The following RRM2 variants were observed in gnomAD, a reference collection of about 807,000 sequenced individuals.
RRM2 encodes ribonucleotide reductase regulatory subunit M2.
Under a neutral mutation model 45.9 loss-of-function variants are expected in RRM2, and 6 were observed. The ratio of observed to expected loss-of-function variants is 0.13; its 90% CI spans 0.07 to 0.26. RRM2 has a LOEUF of 0.26. Ranked by LOEUF, RRM2 falls within the 10% of genes least tolerant of loss-of-function variation. The pLI, the probability that RRM2 is intolerant of heterozygous loss-of-function variation, is 1.00. For synonymous variants in RRM2, 177 were observed against 173.0 expected, an observed-to-expected ratio of 1.02 and a Z score of -0.18; for missense variants, 343 against 489.5, an observed-to-expected ratio of 0.70 and a Z score of 2.82.
intron 3 of RRM2, among the ~76,000 whole-genome samples, chr2:10,207,584 A>G (rs1018766824): frequency 2.0e-5 from 3 of 152,082 alleles, no homozygotes; most frequent in South Asian, 4.1e-4. Flanking sequence ...CATGGGTGCC[A>G]TCATTTTGCC....
intron 3 of RRM2, among the ~76,000 whole-genome samples, chr2:10,144,924 T>C (rs1403216267): frequency 1.3e-5 from 2 of 151,998 alleles, no homozygotes; most frequent in African/African-American, 4.8e-5. Context: ...GGGGTGACCG[T>C]GTTATGCAAA....
Position 10,129,677 on chromosome 2 carries a change from A to AC in RRM2, c.*292dup. The AC allele has an allele frequency of 2.9e-6, 1 of 340,684 alleles. No homozygotes were observed. The highest frequency in any genetic ancestry group is 4.4e-5 in the Admixed American group (1 of 22,582). 21.1% of individuals were successfully genotyped at this position (340,684 alleles called of 1,614,324 possible). A position where few individuals can be genotyped will look rare whatever the true frequency, so the allele number is the denominator to read the frequency against. Reference sequence around the variant, plus strand: ...AGTGAGCTTAGCACAGCGGGATTAAACAGTCCTTTAACCAGCACAGCCAGT... The same window carrying AC: ...AGTGAGCTTAGCACAGCGGGATTAAACCAGTCCTTTAACCAGCACAGCCAGT... On this transcript the variant is annotated 3_prime_UTR_variant, in exon 10 of 10. Coordinates refer to ENST00000304567, the MANE Select transcript of RRM2 (RefSeq NM_001034.4). The surrounding 1 kb of genome is among the most constrained non-coding windows in gnomAD (Gnocchi z 4.8).
upstream of RRM2, among the ~76,000 whole-genome samples, chr2:10,140,542 C>T (rs1327785510): frequency 6.6e-6 from 1 of 152,168 alleles, no homozygotes; most frequent in East Asian, 1.9e-4. Flanking sequence ...GGTGGCTGAG[C>T]CAGCAGGGTG....
chr2:10,207,245 C>G (rs1664680757), intron 3 of RRM2, among the ~76,000 whole-genome samples: 3 of 152,136 alleles, frequency 2.0e-5, no homozygotes, highest in Non-Finnish European at 4.4e-5. Flanking sequence ...ATCTTTGCCT[C>G]CTAATCTCTT....
rs576421692 is a variant in RRM2, at chr2:10,122,761, T to A, written c.-38T>A. On this transcript the variant is annotated 5_prime_UTR_variant, in exon 1 of 10. Transcript: ENST00000304567. ...CCCGTGCACCCTGTCCCAGCCGTCCTGTCCTGGCTGCTCGCTCTGCTTCGC... is the reference window on the plus strand; with the variant it reads ...CCCGTGCACCCTGTCCCAGCCGTCCAGTCCTGGCTGCTCGCTCTGCTTCGC... 27 of 1,561,530 alleles carry A rather than the reference T, an allele frequency of 1.7e-5. No individual in the cohort carries two copies. The South Asian group carries it at 2.6e-4, about 15-fold the overall frequency.
At chr2:10,165,151 A>G (rs1663652230) in intron 3 of RRM2, among the ~76,000 whole-genome samples, 1 of 152,116 alleles carries the variant, frequency 6.6e-6, no homozygotes, top group Non-Finnish European at 1.5e-5. Context: ...TGGTTTCACC[A>G]TGTTGCCCAG....
In RRM2 at chr2:10,123,355, G is replaced by A. The variant is rs750664283; in HGVS notation, c.175-32G>A. 2.9e-5 allele frequency: 46 copies of A among 1,584,766 alleles called. No individual in the cohort carries two copies. The South Asian group carries it at 4.3e-4, about 15-fold the overall frequency. On this transcript the variant is annotated intron_variant, in intron 2 of 9. Coordinates refer to ENST00000304567, the MANE Select transcript of RRM2 (RefSeq NM_001034.4). The stretch of plus-strand genomic sequence containing the variant: ...ACGTTAGTTTCATATGGTTCGCCCG[G>A]TACTTAAATGTTTTATTTTCTCCCC...
intron 3 of RRM2, among the ~76,000 whole-genome samples, chr2:10,167,148 C>T (rs2125321000): frequency 6.6e-6 from 1 of 152,348 alleles, no homozygotes; most frequent in African/African-American, 2.4e-5. Flanking sequence ...CTCTCCCACC[C>T]CTGCGTGGCA....
chr2:10,126,806 T>C, intron 5 of RRM2, 69 bp from the exon 6 acceptor site: 1 of 1,187,562 alleles, frequency 8.4e-7, no homozygotes. Context: ...AGAGCTCTTA[T>C]CTAGCAGTTG....
intron 3 of RRM2, among the ~76,000 whole-genome samples, chr2:10,149,376 G>A (rs772651077): frequency 6.6e-6 from 1 of 152,128 alleles, no homozygotes; most frequent in Non-Finnish European, 1.5e-5. Context: ...TGATCTGCCC[G>A]CCTCAGCCTC....
Position 10,183,751 on chromosome 2 carries a change from C to T in RRM2, n.483-26560C>T, listed in dbSNP as rs1474880372. ...TGGAGGCTGCAGTGAGCTGAGATTG[C>T]GCCACCGCACTCCAGCCTGGGTGAC... On this transcript the variant is annotated intron_variant and non_coding_transcript_variant, in intron 3 of 3. Transcript: ENST00000381786. 4.6e-5 allele frequency among the ~76,000 whole-genome samples: 7 copies of T among 150,916 alleles called. 1 individual carries two copies. In the South Asian group the frequency reaches 1.3e-3, roughly 27 times the overall value.
At chr2:10,165,229 G>T (rs1293687731) in intron 3 of RRM2, among the ~76,000 whole-genome samples, 1 of 152,228 alleles carries the variant, frequency 6.6e-6, no homozygotes, top group Non-Finnish European at 1.5e-5. Context: ...GGGATTCCAG[G>T]CATGAGCCAC....
At chr2:10,201,374 A>G (rs1664567605) in intron 3 of RRM2, among the ~76,000 whole-genome samples, 3 of 152,222 alleles carry the variant, frequency 2.0e-5, no homozygotes, top group Non-Finnish European at 4.4e-5. Context: ...TCTGAAAAGC[A>G]AACAAAGGAC....
chr2:10,133,521 T>C (rs1048034956), downstream of RRM2, among the ~76,000 whole-genome samples: 1 of 152,112 alleles, frequency 6.6e-6, no homozygotes, highest in Non-Finnish European at 1.5e-5. Context: ...TAACTCCTCT[T>C]AGCAAGACAG....
intron 3 of RRM2, among the ~76,000 whole-genome samples, chr2:10,144,906 G>C (rs908222530): frequency 6.6e-6 from 1 of 152,204 alleles, no homozygotes; most frequent in African/African-American, 2.4e-5. Context: ...TGACCCCACT[G>C]GCTGGTGGGG....
At chr2:10,132,548 A>G (rs1662921544), downstream of RRM2, among the ~76,000 whole-genome samples, 7 of 152,072 alleles carry the variant, frequency 4.6e-5, no homozygotes, top group South Asian at 1.4e-3. Flanking sequence ...ACAGATTTTT[A>G]TCTGTCTTTA....
chr2:10,176,888 G>A (rs1400857472), intron 3 of RRM2, among the ~76,000 whole-genome samples: 1 of 152,154 alleles, frequency 6.6e-6, no homozygotes, highest in Non-Finnish European at 1.5e-5. Flanking sequence ...GAATTGCTGG[G>A]TCATAGGGTA....
chr2:10,191,577 G>T (rs1198546584), intron 3 of RRM2, among the ~76,000 whole-genome samples: 1 of 152,110 alleles, frequency 6.6e-6, no homozygotes, highest in Non-Finnish European at 1.5e-5. Context: ...CCCACAAAGG[G>T]AAGTCTCTGA....
rs1294212828 is a variant in RRM2, at chr2:10,181,775, TTTTTTTA to T, written n.483-28535_483-28529del. On this transcript the variant is annotated intron_variant and non_coding_transcript_variant, in intron 3 of 3. Transcript: ENST00000381786. ...CTCTCTTTTTTTTTTTTTTTTTTTTTTTTTTTAAGACAGGGTCTCAGCTCTGTCACTC... is the reference window on the plus strand; with the variant it reads ...CTCTCTTTTTTTTTTTTTTTTTTTTTAGACAGGGTCTCAGCTCTGTCACTC... Among the ~76,000 whole-genome samples, 771 of 111,154 alleles carry T rather than the reference TTTTTTTA, an allele frequency of 6.9e-3. 12 individuals are homozygous for T. The highest frequency in any genetic ancestry group is 0.027 in the African/African-American group (705 of 26,208). 72.9% of individuals were successfully genotyped at this position (111,154 alleles called of 152,430 possible).
Sources: gnomAD v4.1 joint callset for allele counts (sites outside exome capture counted in the v4.1 genomes callset) on GRCh38, gnomAD v4.1.1 for gene constraint, Gnocchi (gnomAD v3.1) non-coding constraint, MANE v1.5 for transcripts, NCBI Gene and HGNC (gene_info 2026-07-23, HGNC 2026-07-21) for gene names.